Variants in CEP112 observed in about 807,000 individuals in gnomAD.
CEP112 encodes the protein centrosomal protein of 112 kDa.
CEP112 carries 127 observed loss-of-function variants against 153.0 expected under a neutral mutation model. The ratio of observed to expected loss-of-function variants is 0.83; its 90% CI spans 0.72 to 0.96. CEP112 has a LOEUF of 0.96. Among genes scored for constraint, CEP112 ranks in the 40% least tolerant of loss-of-function variants. The probability of loss-of-function intolerance (pLI) is 0.00; values close to 1 mark genes in which losing one functional copy is unlikely to be tolerated. For missense variants in CEP112, 1,089 were observed against 1,101.2 expected, an observed-to-expected ratio of 0.99 and a Z score of 0.16; for synonymous variants, 358 against 374.4, an observed-to-expected ratio of 0.96 and a Z score of 0.51.
At chr17:66,040,229 G>C (rs145358244) in intron 12 of CEP112, among the ~76,000 whole-genome samples, 5 of 151,990 alleles carry the variant, frequency 3.3e-5, no homozygotes, top group Non-Finnish European at 7.4e-5. Context: ...CTGTGATTTT[G>C]TTTTTTTAAT....
chr17:65,824,903 G>T (rs12952839), intron 21 of CEP112, among the ~76,000 whole-genome samples: 1 of 152,182 alleles, frequency 6.6e-6, no homozygotes, highest in Non-Finnish European at 1.5e-5. Context: ...TGATGCAGAT[G>T]CTATGGAAAA....
At chr17:66,018,145 A>C (rs1464219228) in intron 16 of CEP112, among the ~76,000 whole-genome samples, 1 of 152,198 alleles carries the variant, frequency 6.6e-6, no homozygotes, top group Non-Finnish European at 1.5e-5. Context: ...TCCTTTCCCC[A>C]CTTTAAATTG....
intron 4 of CEP112, among the ~76,000 whole-genome samples, chr17:66,150,428 A>G (rs999642659): frequency 6.6e-6 from 1 of 151,748 alleles, no homozygotes; most frequent in Non-Finnish European, 1.5e-5. Flanking sequence ...ACGGGGTTTC[A>G]CCATTTTGGC....
intron 24 of CEP112, among the ~76,000 whole-genome samples, chr17:65,683,242 T>C (rs2047616041): frequency 1.3e-5 from 2 of 152,222 alleles, no homozygotes; most frequent in African/African-American, 2.4e-5. Context: ...CCTAAATTAG[T>C]TGATGTGTCT....
intron 4 of CEP112, among the ~76,000 whole-genome samples, chr17:66,154,243 G>A (rs529013161): frequency 1.8e-4 from 28 of 152,082 alleles, no homozygotes; most frequent in Admixed American, 6.6e-4. Context: ...GGCTGGGCAC[G>A]GTGGCTCATG....
intron 8 of CEP112, among the ~76,000 whole-genome samples, chr17:66,080,516 G>C (rs1204986147): frequency 6.6e-6 from 1 of 152,196 alleles, no homozygotes; most frequent in African/African-American, 2.4e-5. Flanking sequence ...GGAAACAACA[G>C]ATGCTGGGAG....
At chr17:66,078,400 G>A (rs1250612291) in intron 8 of CEP112, among the ~76,000 whole-genome samples, 3 of 151,840 alleles carry the variant, frequency 2.0e-5, no homozygotes, top group African/African-American at 7.3e-5. Flanking sequence ...TGGGACTACA[G>A]ACATGCGCCA....
intron 19 of CEP112, among the ~76,000 whole-genome samples, chr17:65,924,219 G>A (rs993002869): frequency 6.6e-5 from 10 of 151,944 alleles, no homozygotes; most frequent in South Asian, 2.1e-4. Flanking sequence ...CTCGTGATCC[G>A]CCTGCCTCGG....
intron 23 of CEP112, among the ~76,000 whole-genome samples, chr17:65,728,499 T>C (rs926555323): frequency 2.0e-5 from 3 of 152,144 alleles, no homozygotes; most frequent in Non-Finnish European, 2.9e-5. Flanking sequence ...GCTATGACTA[T>C]AGGGCCTGGA....
intron 16 of CEP112, among the ~76,000 whole-genome samples, chr17:66,026,241 T>C (rs1444611683): frequency 6.6e-6 from 1 of 152,118 alleles, no homozygotes; most frequent in Non-Finnish European, 1.5e-5. Flanking sequence ...AATATATCCA[T>C]GTAAAAAAAC....
In CEP112 at chr17:66,034,976, G is replaced by GTA. The variant is rs1555777549; in HGVS notation, c.1219-4955_1219-4954dup. 2.7e-3 allele frequency among the ~76,000 whole-genome samples: 36 copies of GTA among 13,438 alleles called. 1 individual carries two copies. The highest frequency in any genetic ancestry group is 5.4e-3 in the African/African-American group (25 of 4,634). The allele number at this position is 13,438 out of a possible 152,430, so 8.8% of individuals were successfully genotyped here. The stretch of plus-strand genomic sequence containing the variant: ...ACCATGCCCAGCTAAGTTTTTGCAT[G>GTA]TATATATATATATATACATATATAT... On this transcript the variant is annotated intron_variant, in intron 12 of 26. Coordinates refer to ENST00000535342, the MANE Select transcript of CEP112 (RefSeq NM_001199165.4).
chr17:65,769,543 T>C (rs1337849059), intron 21 of CEP112, among the ~76,000 whole-genome samples: 1 of 152,078 alleles, frequency 6.6e-6, no homozygotes, highest in African/African-American at 2.4e-5. Flanking sequence ...ACCAAAATTG[T>C]ATGGTACTGA....
At chr17:65,891,070 T>C (rs552015068) in intron 20 of CEP112, among the ~76,000 whole-genome samples, 3 of 152,256 alleles carry the variant, frequency 2.0e-5, no homozygotes, top group African/African-American at 4.8e-5. Flanking sequence ...CTTTTTTATA[T>C]ACGTAGGTCC....
rs1363883005 is a variant in CEP112 at position 65,721,011 on chromosome 17, T to TCTC, written c.2607+22056_2607+22057insGAG. ...AAGTTTTATCTCTCTCTCTCTCTCT[T>TCTC]TTTTTTTTTTTTTTTTTTGAGACGG... On this transcript the variant is annotated intron_variant, in intron 23 of 26. Coordinates refer to ENST00000535342, the MANE Select transcript of CEP112 (RefSeq NM_001199165.4). Among the ~76,000 whole-genome samples, 632 of 83,186 alleles carry TCTC rather than the reference T, an allele frequency of 7.6e-3. 4 individuals are homozygous for TCTC. The highest frequency in any genetic ancestry group is 0.026 in the African/African-American group (600 of 23,412). The allele number at this position is 83,186 out of a possible 152,430, so 54.6% of individuals were successfully genotyped here. A position where few individuals can be genotyped will look rare whatever the true frequency, so the allele number is the denominator to read the frequency against.
At chr17:65,877,316 G>C (rs1396135219) in intron 20 of CEP112, among the ~76,000 whole-genome samples, 1 of 152,206 alleles carries the variant, frequency 6.6e-6, no homozygotes, top group Non-Finnish European at 1.5e-5. Flanking sequence ...AGGGGCAGAT[G>C]CCCTTTGGGA....
At chr17:65,675,405 C>G (rs7211901) in intron 24 of CEP112, among the ~76,000 whole-genome samples, 2 of 151,856 alleles carry the variant, frequency 1.3e-5, no homozygotes, top group African/African-American at 4.8e-5. Context: ...GGGGTTTCAC[C>G]ATATTGGCCA....
At chr17:65,956,774 T>C (rs1462593297) in intron 18 of CEP112, among the ~76,000 whole-genome samples, 4 of 151,806 alleles carry the variant, frequency 2.6e-5, no homozygotes, top group African/African-American at 7.3e-5. Context: ...AAAAACCTAT[T>C]GAAATAAAAA....
intron 24 of CEP112, among the ~76,000 whole-genome samples, chr17:65,672,841 C>T (rs1005278401): frequency 6.6e-6 from 1 of 152,020 alleles, no homozygotes; most frequent in African/African-American, 2.4e-5. Flanking sequence ...AAAATGATGG[C>T]ATTTCCAAAA....
At chr17:66,065,866 T>C (rs2067097554) in intron 10 of CEP112, among the ~76,000 whole-genome samples, 1 of 152,086 alleles carries the variant, frequency 6.6e-6, no homozygotes, top group African/African-American at 2.4e-5. Flanking sequence ...CCTGACCTCA[T>C]GATCCACCTG....
Sources: allele counts gnomAD v4.1 joint callset (sites outside exome capture counted in the v4.1 genomes callset), GRCh38; gene constraint gnomAD v4.1.1; transcripts MANE v1.5; gene names NCBI Gene and HGNC (gene_info 2026-07-23, HGNC 2026-07-21).